The following PRKCA variants were observed in gnomAD, a reference collection of about 807,000 sequenced individuals.
The protein encoded by PRKCA is protein kinase C alpha.
A neutral mutation model predicts 87.0 loss-of-function variants in PRKCA; 27 were observed. That is an observed-to-expected ratio of 0.31 (90% CI 0.23 to 0.43). The LOEUF is 0.43. PRKCA is among the 20% of genes least tolerant of loss of function. PRKCA has a pLI of 1.00. For missense variants in PRKCA, 518 were observed against 852.3 expected (o/e 0.61, Z 4.88); for synonymous variants, 329 against 311.1 (o/e 1.06, Z -0.61).
At chr17:66,564,955 G>T (rs931415954) in intron 3 of PRKCA, among the ~76,000 whole-genome samples, 6 of 152,220 alleles carry the variant, frequency 3.9e-5, no homozygotes, top group Admixed American at 6.5e-5. Context: ...ACTCCAGCCT[G>T]GGTGATAGAG....
In PRKCA at chr17:66,754,310, CA is replaced by C. The variant is rs1383924660; in HGVS notation, c.1524+11551del. Among the ~76,000 whole-genome samples the C allele has an allele frequency of 3.3e-5, 5 of 152,020 alleles. No homozygotes were observed. The East Asian group carries it at 9.7e-4, about 29-fold the overall frequency. On this transcript the variant is annotated intron_variant, in intron 13 of 16. Transcript: ENST00000413366. Reference sequence around the variant, plus strand: ...AAGGAGGAATAAAGGCCCCAGAGGGCAGGGGCACCATCTCAGATGTCTTTGT... The same window carrying C: ...AAGGAGGAATAAAGGCCCCAGAGGGCGGGGCACCATCTCAGATGTCTTTGT...
intron 14 of PRKCA, among the ~76,000 whole-genome samples, chr17:66,776,951 C>A (rs1445179675): frequency 1.3e-5 from 2 of 152,214 alleles, no homozygotes; most frequent in East Asian, 3.8e-4. Context: ...CAGTTAAACT[C>A]CGCCATGTTG....
In PRKCA at chr17:66,467,310, TG is replaced by T. The variant is rs1306005277; in HGVS notation, c.206-28890del. Among the ~76,000 whole-genome samples the T allele has an allele frequency of 1.2e-4, 19 of 152,184 alleles. 1 individual carries two copies. The highest frequency in any genetic ancestry group is 1.5e-5 in the Non-Finnish European group (1 of 68,018). On this transcript the variant is annotated intron_variant, in intron 2 of 16. Transcript: ENST00000413366. ...TCAGCTGTACTCTCATTTCATGCTA[TG>T]TAGCCAGATGTCGTGTAGCTAACCT...
chr17:66,587,192 T>C (rs921856508), intron 3 of PRKCA, among the ~76,000 whole-genome samples: 19 of 152,210 alleles, frequency 1.2e-4, no homozygotes, highest in African/African-American at 3.6e-4. Context: ...TGAACATTTC[T>C]TTCTAACACA....
intron 2 of PRKCA, among the ~76,000 whole-genome samples, chr17:66,466,302 T>G (rs142937167): frequency 8.7e-4 from 132 of 152,284 alleles, no homozygotes; most frequent in Non-Finnish European, 1.6e-3. Flanking sequence ...TAATGGGAAC[T>G]GAGCTGGGGG....
chr17:66,374,021 G>A (rs1337023939), intron 2 of PRKCA, among the ~76,000 whole-genome samples: 6 of 152,158 alleles, frequency 3.9e-5, no homozygotes, highest in African/African-American at 1.4e-4. Context: ...GTTCACCTGG[G>A]TGCATGTCCT....
At chr17:66,575,440 C>G (rs968306307) in intron 3 of PRKCA, among the ~76,000 whole-genome samples, 2 of 152,064 alleles carry the variant, frequency 1.3e-5, no homozygotes, top group African/African-American at 4.8e-5. Context: ...ATTAGCTGAG[C>G]ATGGTGGCGC....
At chr17:66,762,215 CT>C (rs1424920155) in intron 13 of PRKCA, among the ~76,000 whole-genome samples, 1 of 152,216 alleles carries the variant, frequency 6.6e-6, no homozygotes, top group Non-Finnish European at 1.5e-5. Context: ...CTCTGTCCCC[CT>C]CTGAGCCAAG....
At chr17:66,701,933 A>G (rs1032356122) in intron 8 of PRKCA, among the ~76,000 whole-genome samples, 2 of 152,110 alleles carry the variant, frequency 1.3e-5, no homozygotes, top group Admixed American at 6.5e-5. Flanking sequence ...AAATAAAGCT[A>G]CCATACGATC....
intron 2 of PRKCA, among the ~76,000 whole-genome samples, chr17:66,385,096 G>T (rs1437387073): frequency 3.3e-5 from 5 of 152,150 alleles, no homozygotes; most frequent in South Asian, 4.1e-4. Context: ...CTCTGGGTTG[G>T]GTGGTTGTGT....
chr17:66,567,252 G>A (rs1968930742), intron 3 of PRKCA, among the ~76,000 whole-genome samples: 1 of 152,152 alleles, frequency 6.6e-6, no homozygotes, highest in African/African-American at 2.4e-5. Context: ...TGAAAAACTA[G>A]GAAACAGGTG....
chr17:66,316,215 T>C (rs1421750708), intron 2 of PRKCA, among the ~76,000 whole-genome samples: 2 of 152,186 alleles, frequency 1.3e-5, no homozygotes, highest in Non-Finnish European at 2.9e-5. Flanking sequence ...GACCTCCAAA[T>C]GGAAGAACAG....
In PRKCA at chr17:66,559,479, C is replaced by CAAAAAAA. The variant is rs34998780; in HGVS notation, c.288+63217_288+63223dup. On this transcript the variant is annotated intron_variant, in intron 3 of 16. Coordinates refer to ENST00000413366, the MANE Select transcript of PRKCA (RefSeq NM_002737.3). Reference sequence around the variant, plus strand: ...GCAACAGAGTGAGTCTCTGTCTCACCAAAAAAAAAAAAAAAAAAAAAAAAA... The same window carrying CAAAAAAA: ...GCAACAGAGTGAGTCTCTGTCTCACCAAAAAAAAAAAAAAAAAAAAAAAAAAAAAAAA... Among the ~76,000 whole-genome samples, 7 of 36,722 alleles carry CAAAAAAA rather than the reference C, an allele frequency of 1.9e-4. 2 individuals carry two copies. Among genetic ancestry groups the CAAAAAAA allele is most frequent in the Admixed American group, 1.6e-3 (4 of 2,488 alleles). 24.1% of individuals were successfully genotyped at this position (36,722 alleles called of 152,430 possible).
intron 3 of PRKCA, among the ~76,000 whole-genome samples, chr17:66,539,162 T>A (rs1967891548): frequency 6.6e-6 from 1 of 152,208 alleles, no homozygotes; most frequent in African/African-American, 2.4e-5. Context: ...CTGTGTGGTG[T>A]CCTCAGATTT....
intron 2 of PRKCA, among the ~76,000 whole-genome samples, chr17:66,347,287 T>C (rs72843902): frequency 0.23 from 35,044 of 152,062 alleles, 4,975 homozygotes; most frequent in African/African-American, 0.41. Flanking sequence ...AAATAAAACA[T>C]AGTTGGACTC....
At chr17:66,664,612 A>G (rs543136399) in intron 5 of PRKCA, among the ~76,000 whole-genome samples, 2 of 141,046 alleles carry the variant, frequency 1.4e-5, no homozygotes, top group Non-Finnish European at 3.1e-5. Context: ...ATTCATCTCA[A>G]TTTCTTGTTT....
chr17:66,700,703 T>C (rs1373457479), intron 8 of PRKCA, among the ~76,000 whole-genome samples: 1 of 152,036 alleles, frequency 6.6e-6, no homozygotes, highest in Non-Finnish European at 1.5e-5. Flanking sequence ...TACAGTAGCA[T>C]CAAAAAGAAC....
At chr17:66,403,960 C>T (rs1911193971) in intron 2 of PRKCA, 1 of 152,134 alleles carries the variant, frequency 6.6e-6, no homozygotes, top group South Asian at 2.1e-4. Context: ...GTAAATGAGA[C>T]ATAGTCCAGG....
chr17:66,685,174 AT>A (rs933548297), intron 5 of PRKCA, among the ~76,000 whole-genome samples: 15 of 151,812 alleles, frequency 9.9e-5, no homozygotes, highest in African/African-American at 3.6e-4. Context: ...TTATTTTTTC[AT>A]TTTCCAAGCC....
Sources: gnomAD v4.1 joint callset for allele counts (sites outside exome capture counted in the v4.1 genomes callset) on GRCh38, gnomAD v4.1.1 for gene constraint, MANE v1.5 for transcripts, NCBI Gene and HGNC (gene_info 2026-07-23, HGNC 2026-07-21) for gene names.